ARID1B: variants seen among roughly 807,000 people sequenced by gnomAD.
The protein encoded by ARID1B is AT-rich interaction domain 1B.
ARID1B carries 30 observed loss-of-function variants against 212.3 expected under a neutral mutation model. That is an observed-to-expected ratio of 0.14 (90% CI 0.11 to 0.19). The LOEUF (loss-of-function observed/expected upper bound fraction) is 0.19. Among genes scored for constraint, ARID1B ranks in the 10% least tolerant of loss-of-function variants. The probability of loss-of-function intolerance (pLI) is 1.00; values close to 1 mark genes in which losing one functional copy is unlikely to be tolerated. For synonymous variants in ARID1B, 1,402 were observed against 1,301.7 expected (o/e 1.08, Z -1.66); for missense variants, 2,891 against 3,204.0 (o/e 0.90, Z 2.36).
intron 4 of ARID1B, among the ~76,000 whole-genome samples, chr6:157,046,119 A>T (rs932639339): frequency 1.3e-5 from 2 of 152,194 alleles, no homozygotes; most frequent in East Asian, 3.8e-4. Context: ...GATTTGGGGG[A>T]AATACTTTAT....
At chr6:157,134,791 G>T (rs1416330733) in intron 7 of ARID1B, among the ~76,000 whole-genome samples, 1 of 152,164 alleles carries the variant, frequency 6.6e-6, no homozygotes, top group Non-Finnish European at 1.5e-5. Context: ...TGTAACTTGT[G>T]GTAGGCACAG....
intron 13 of ARID1B, chr6:157,186,438 G>T (rs1202900266): frequency 2.1e-6 from 1 of 471,140 alleles, no homozygotes; most frequent in Non-Finnish European, 4.4e-6. Flanking sequence ...GAGAGCGCGT[G>T]CAGGGGGCTC....
At chr6:156,833,111 A>C (rs287926) in intron 2 of ARID1B, among the ~76,000 whole-genome samples, 148,125 of 152,204 alleles carry the variant, frequency 0.97, 72,098 homozygotes, top group East Asian at 1. Flanking sequence ...GAATTCAGAC[A>C]TGGGGTTGGT....
At chr6:156,854,389 T>C (rs1338758049) in intron 2 of ARID1B, among the ~76,000 whole-genome samples, 2 of 152,246 alleles carry the variant, frequency 1.3e-5, no homozygotes, top group African/African-American at 2.4e-5. Flanking sequence ...TTAAGGTTTC[T>C]TATGACCCAT....
intron 1 of ARID1B, among the ~76,000 whole-genome samples, chr6:156,784,287 T>G (rs2115085251): frequency 6.6e-6 from 1 of 152,314 alleles, no homozygotes; most frequent in African/African-American, 2.4e-5. Context: ...CAAACCCTGT[T>G]CCCTGTCGTG....
chr6:157,031,647 A>G (rs1448071829), intron 4 of ARID1B, among the ~76,000 whole-genome samples: 1 of 152,196 alleles, frequency 6.6e-6, no homozygotes, highest in East Asian at 1.9e-4. Context: ...AATCACTGGA[A>G]AAAATAAAGG....
intron 4 of ARID1B, among the ~76,000 whole-genome samples, chr6:157,073,740 T>A (rs1335203697): frequency 6.6e-6 from 1 of 152,216 alleles, no homozygotes; most frequent in East Asian, 1.9e-4. Context: ...TTTACACTGC[T>A]CTTACCCCAC....
chr6:157,126,027 C>G (rs555782534), intron 6 of ARID1B, among the ~76,000 whole-genome samples: 1 of 152,242 alleles, frequency 6.6e-6, no homozygotes, highest in Admixed American at 6.5e-5. Context: ...TACCACAGTT[C>G]CGAGAATGTT....
intron 1 of ARID1B, among the ~76,000 whole-genome samples, chr6:156,803,123 T>C (rs1166019875): frequency 1.3e-5 from 2 of 152,180 alleles, no homozygotes; most frequent in Non-Finnish European, 2.9e-5. Flanking sequence ...GTATAGGAAA[T>C]TGATTATACA....
intron 4 of ARID1B, among the ~76,000 whole-genome samples, chr6:157,029,214 C>G (rs1268508186): frequency 1.3e-5 from 2 of 152,172 alleles, no homozygotes; most frequent in East Asian, 1.9e-4. Context: ...TTTTTAGTAA[C>G]AGTCATGTGT....
In ARID1B at chr6:157,203,813, CT is replaced by C. The variant is rs778819155; in HGVS notation, c.5264-50del. 10 of 1,596,260 alleles carry C rather than the reference CT, an allele frequency of 6.3e-6. No individual in the cohort carries two copies. The East Asian group carries it at 1.6e-4, about 25-fold the overall frequency. ...TCTTACTCTTTCGTTAACTTTCGTT[CT>C]TTCATGCATAGAGTCAACATTCATG... On this transcript the variant is annotated intron_variant, in intron 18 of 19. Coordinates refer to ENST00000636930, the MANE Select transcript of ARID1B (RefSeq NM_001374828.1). The surrounding 1 kb of genome is among the most constrained non-coding windows in gnomAD (Gnocchi z 4.4).
intron 3 of ARID1B, among the ~76,000 whole-genome samples, chr6:156,906,786 A>C (rs1225101363): frequency 6.6e-6 from 1 of 151,932 alleles, no homozygotes; most frequent in African/African-American, 2.4e-5. Flanking sequence ...CCATCTCTCC[A>C]TTTGTTGAGG....
chr6:157,026,851 G>C (rs1780698118), intron 4 of ARID1B, among the ~76,000 whole-genome samples: 1 of 152,140 alleles, frequency 6.6e-6, no homozygotes, highest in South Asian at 2.1e-4. Context: ...GTGAAGGGGA[G>C]CAGAGTGGAA....
At chr6:156,811,393 G>A (rs146534131) in intron 1 of ARID1B, among the ~76,000 whole-genome samples, 17 of 152,210 alleles carry the variant, frequency 1.1e-4, no homozygotes, top group Non-Finnish European at 2.2e-4. Flanking sequence ...ACTACAGGTT[G>A]TGTGTTATAA....
intron 2 of ARID1B, among the ~76,000 whole-genome samples, chr6:156,886,927 C>G (rs563333848): frequency 6.6e-6 from 1 of 152,306 alleles, no homozygotes; most frequent in Non-Finnish European, 1.5e-5. Context: ...AGGGAACAAG[C>G]TGCAAGGAGT....
intron 4 of ARID1B, among the ~76,000 whole-genome samples, chr6:157,043,508 C>A (rs1389435376): frequency 1.3e-5 from 2 of 152,124 alleles, no homozygotes; most frequent in Non-Finnish European, 2.9e-5. Context: ...GCATTTTCCC[C>A]CATAATATGG....
chr6:157,039,180 G>A (rs1227440132), intron 4 of ARID1B, among the ~76,000 whole-genome samples: 1 of 151,942 alleles, frequency 6.6e-6, no homozygotes, highest in African/African-American at 2.4e-5. Flanking sequence ...TGACCTCATA[G>A]CCTTAAATTT....
intron 4 of ARID1B, among the ~76,000 whole-genome samples, chr6:157,006,893 A>G (rs932565394): frequency 6.6e-6 from 1 of 152,196 alleles, no homozygotes; most frequent in African/African-American, 2.4e-5. Flanking sequence ...CTCTTCCTTA[A>G]ATGGAAATGT....
intron 3 of ARID1B, among the ~76,000 whole-genome samples, chr6:156,910,273 A>G (rs1789764494): frequency 6.6e-6 from 1 of 152,148 alleles, no homozygotes; most frequent in African/African-American, 2.4e-5. Flanking sequence ...TACCCTGGTG[A>G]TGGTTAGCTT....
Sources: gnomAD v4.1 joint callset for allele counts (sites outside exome capture counted in the v4.1 genomes callset) on GRCh38, gnomAD v4.1.1 for gene constraint, Gnocchi (gnomAD v3.1) non-coding constraint, MANE v1.5 for transcripts, NCBI Gene and HGNC (gene_info 2026-07-23, HGNC 2026-07-21) for gene names.